SCLT1: variants seen among roughly 807,000 people sequenced by gnomAD.
The protein encoded by SCLT1 is sodium channel-associated protein 1.
SCLT1 carries 78 observed loss-of-function variants against 112.8 expected under a neutral mutation model. The observed-to-expected ratio is 0.69, with a 90% confidence interval of 0.58 to 0.83. The LOEUF is 0.83. SCLT1 is among the 40% of genes least tolerant of loss of function. The probability of loss-of-function intolerance (pLI) is 0.00; values close to 1 mark genes in which losing one functional copy is unlikely to be tolerated. For synonymous variants in SCLT1, 257 were observed against 254.7 expected (o/e 1.01, Z -0.09); for missense variants, 747 against 770.4 (o/e 0.97, Z 0.36).
chr4:129,075,678 A>G (rs1412816667), intron 2 of SCLT1, among the ~76,000 whole-genome samples: 2 of 152,188 alleles, frequency 1.3e-5, no homozygotes, highest in Non-Finnish European at 2.9e-5. Flanking sequence ...ACAATACTGG[A>G]CAGTGCAGAA....
At chr4:129,007,243 G>A (rs1434966555) in intron 5 of SCLT1, among the ~76,000 whole-genome samples, 2 of 151,010 alleles carry the variant, frequency 1.3e-5, no homozygotes, top group African/African-American at 4.9e-5. Flanking sequence ...TTCTATATAT[G>A]TCCCTTAAGA....
intron 12 of SCLT1, among the ~76,000 whole-genome samples, chr4:128,958,469 T>G (rs1327806142): frequency 6.6e-6 from 1 of 152,142 alleles, no homozygotes; most frequent in Non-Finnish European, 1.5e-5. Flanking sequence ...ACAGCCTCTG[T>G]GAGCGTCTGT....
intron 2 of SCLT1, among the ~76,000 whole-genome samples, chr4:129,056,957 T>C (rs1749454222): frequency 6.6e-6 from 1 of 152,268 alleles, no homozygotes; most frequent in Non-Finnish European, 1.5e-5. Flanking sequence ...AGAATAATGC[T>C]GGCTGTGGGT....
chr4:129,047,403 A>G (rs767315666), intron 2 of SCLT1, among the ~76,000 whole-genome samples: 3 of 152,116 alleles, frequency 2.0e-5, no homozygotes, highest in Non-Finnish European at 2.9e-5. Flanking sequence ...CCAATACCAT[A>G]CTAACCAAAT....
intron 18 of SCLT1, among the ~76,000 whole-genome samples, chr4:128,896,390 T>C (rs318519): frequency 0.73 from 110,421 of 151,970 alleles, 40,437 homozygotes; most frequent in African/African-American, 0.82. Context: ...CTGCAGCCTC[T>C]GCTGCTGATA....
chr4:128,901,529 T>TGG (rs5861871), intron 18 of SCLT1, among the ~76,000 whole-genome samples: 1 of 133,640 alleles, frequency 7.5e-6, no homozygotes, highest in African/African-American at 2.7e-5. Context: ...TGTGGGGTGG[T>TGG]GGGGGGGGGG....
At chr4:128,967,221 T>G (rs961056042) in intron 10 of SCLT1, among the ~76,000 whole-genome samples, 1 of 152,238 alleles carries the variant, frequency 6.6e-6, no homozygotes. Context: ...TATTCCATGG[T>G]GTACACGTAC....
chr4:128,925,147 T>C (rs1736194852), intron 18 of SCLT1, among the ~76,000 whole-genome samples: 1 of 152,144 alleles, frequency 6.6e-6, no homozygotes, highest in Non-Finnish European at 1.5e-5. Context: ...CTTTAGTCAA[T>C]GCGTTGATTG....
Position 128,999,755 on chromosome 4 carries a change from G to T in SCLT1, c.466C>A (p.Gln156Lys). 6.2e-7 allele frequency: 1 copy of T among 1,602,470 alleles called. No homozygotes were observed. Among genetic ancestry groups the T allele is most frequent in the Non-Finnish European group, 8.5e-7 (1 of 1,172,894 alleles). Reference protein sequence around the residue: ...QAVELWQTVSQELDRLHKLYQ... With the variant: ...QAVELWQTVSKELDRLHKLYQ... ...AGCTTGTGTAGTCTGTCCAACTCCT[G>T]AGAAACAGTCTGCCAGAGTTCCACA... is the stretch of plus-strand genomic sequence containing the variant. The change falls in exon 7 of 21, where the codon CAG becomes AAG. Residue 156 changes from glutamine (Q) to lysine (K), a missense_variant. Gln to Lys is a moderately conservative substitution (Grantham distance 53). Coordinates refer to ENST00000281142, the MANE Select transcript of SCLT1 (RefSeq NM_144643.4).
intron 11 of SCLT1, 29 bp from the exon 12 acceptor site, chr4:128,959,806 T>C: frequency 6.4e-7 from 1 of 1,566,884 alleles, no homozygotes; most frequent in Non-Finnish European, 8.8e-7. Context: ...ACTGGGAAAG[T>C]TAAACTTTTT....
rs746196883 is a variant in SCLT1 at position 128,884,518 on chromosome 4, T to G, written c.2026A>C (p.Arg676=). 15 of 1,603,998 alleles carry G rather than the reference T, an allele frequency of 9.4e-6. No homozygotes were observed. The highest frequency in any genetic ancestry group is 1.3e-5 in the Non-Finnish European group (15 of 1,171,694). The change falls in exon 21 of 21, where the codon AGA becomes CGA. Residue 676 remains arginine (R), a synonymous_variant. Coordinates refer to ENST00000281142, the MANE Select transcript of SCLT1 (RefSeq NM_144643.4). ...TTCATCAGGGAGGCTGCTTTTCTTC[T>G]CTGCACTGTAATCACACTGAGCTGC... ...SQQLSVITVQ[R]RKAASLMNLE...
intron 18 of SCLT1, among the ~76,000 whole-genome samples, chr4:128,903,795 A>G (rs1160336803): frequency 6.6e-6 from 1 of 152,122 alleles, no homozygotes; most frequent in African/African-American, 2.4e-5. Flanking sequence ...AGGATGTTTC[A>G]TTGCAGGGAT....
intron 2 of SCLT1, among the ~76,000 whole-genome samples, chr4:129,056,042 G>A (rs984727133): frequency 6.6e-6 from 1 of 152,154 alleles, no homozygotes; most frequent in Non-Finnish European, 1.5e-5. Flanking sequence ...GTGGGAGGGA[G>A]ACCCCGGCTG....
At chr4:129,049,820 C>T (rs1166483833) in intron 2 of SCLT1, among the ~76,000 whole-genome samples, 1 of 151,756 alleles carries the variant, frequency 6.6e-6, no homozygotes, top group Non-Finnish European at 1.5e-5. Context: ...TTTGCTGCAC[C>T]TATCAACCCA....
intron 2 of SCLT1, among the ~76,000 whole-genome samples, chr4:129,077,873 T>G (rs1751597024): frequency 6.6e-6 from 1 of 152,224 alleles, no homozygotes. Context: ...ATGCATTACA[T>G]ATGGCCAAGG....
intron 11 of SCLT1, among the ~76,000 whole-genome samples, chr4:128,960,556 T>C (rs1739600418): frequency 6.6e-6 from 1 of 152,214 alleles, no homozygotes; most frequent in Non-Finnish European, 1.5e-5. Flanking sequence ...ATTTTGTTCT[T>C]TGAATTTCTT....
intron 12 of SCLT1, among the ~76,000 whole-genome samples, chr4:128,958,151 T>A (rs1419093977): frequency 6.6e-6 from 1 of 152,178 alleles, no homozygotes; most frequent in Non-Finnish European, 1.5e-5. Context: ...TAAATCAACA[T>A]GTAAATGGCC....
At chr4:129,046,968 A>T (rs1027257590) in intron 2 of SCLT1, among the ~76,000 whole-genome samples, 9 of 152,154 alleles carry the variant, frequency 5.9e-5, no homozygotes, top group Admixed American at 5.2e-4. Flanking sequence ...TTGTGAAGTG[A>T]CCTGTTTCTC....
chr4:128,963,900 C>T (rs1443621525), intron 11 of SCLT1, among the ~76,000 whole-genome samples: 2 of 152,056 alleles, frequency 1.3e-5, no homozygotes, highest in African/African-American at 2.4e-5. Flanking sequence ...TTTTATTAAA[C>T]AGATAAATTA....
Sources: allele counts gnomAD v4.1 joint callset (sites outside exome capture counted in the v4.1 genomes callset), GRCh38; gene constraint gnomAD v4.1.1; transcripts MANE v1.5; gene names NCBI Gene and HGNC (gene_info 2026-07-23, HGNC 2026-07-21).